SPATA13: variants seen among roughly 807,000 people sequenced by gnomAD.
SPATA13 encodes spermatogenesis-associated protein 13.
SPATA13 carries 50 observed loss-of-function variants against 104.0 expected under a neutral mutation model. The ratio of observed to expected loss-of-function variants is 0.48; its 90% confidence interval spans 0.38 to 0.61. The LOEUF is 0.61. Among genes scored for constraint, SPATA13 ranks in the 20% least tolerant of loss-of-function variants. The pLI is 0.00. For missense variants in SPATA13, 1,524 were observed against 1,690.6 expected (o/e 0.90, Z 1.73); for synonymous variants, 606 against 667.5 (o/e 0.91, Z 1.42).
chr13:24,178,750 CTT>C (rs1161217402), intron 1 of SPATA13, among the ~76,000 whole-genome samples: 1 of 152,094 alleles, frequency 6.6e-6, no homozygotes, highest in Non-Finnish European at 1.5e-5. Context: ...CAACTGGCCT[CTT>C]TGTTTCTTTT....
intron 2 of SPATA13, among the ~76,000 whole-genome samples, chr13:24,236,170 G>A (rs752168959): frequency 9.2e-5 from 14 of 152,262 alleles, no homozygotes; most frequent in Non-Finnish European, 1.6e-4. Flanking sequence ...CCATTTATTA[G>A]CCTCCTCATC....
chr13:24,038,755 T>G (rs1225839515), intron 3 of SPATA13, among the ~76,000 whole-genome samples: 1 of 152,184 alleles, frequency 6.6e-6, no homozygotes, highest in Non-Finnish European at 1.5e-5. Flanking sequence ...CTGGAGTTCT[T>G]GAACCTCTGA....
intron 2 of SPATA13, among the ~76,000 whole-genome samples, chr13:24,013,554 C>T (rs1876573836): frequency 6.6e-6 from 1 of 152,188 alleles, no homozygotes; most frequent in Admixed American, 6.5e-5. Context: ...TAAAAAGGTA[C>T]TTTTTTCCTG....
chr13:24,214,622 C>T (rs1290817163), intron 1 of SPATA13, among the ~76,000 whole-genome samples: 1 of 152,178 alleles, frequency 6.6e-6, no homozygotes, highest in African/African-American at 2.4e-5. Context: ...TGCCCTTCCT[C>T]CCCTTCACCT....
intron 3 of SPATA13, among the ~76,000 whole-genome samples, chr13:24,055,511 C>G (rs1878510766): frequency 6.6e-6 from 1 of 152,096 alleles, no homozygotes; most frequent in South Asian, 2.1e-4. Flanking sequence ...AGAACAGTGC[C>G]CGAAGCACCT....
chr13:23,993,051 C>T (rs749116912), intron 2 of SPATA13, among the ~76,000 whole-genome samples: 10 of 152,216 alleles, frequency 6.6e-5, no homozygotes, highest in Non-Finnish European at 1.5e-4. Context: ...GTCCAGGCTG[C>T]TGTGCTTTCA....
rs147054564 is a variant in SPATA13 at position 24,044,088 on chromosome 13, C to G, written c.-112+26387C>G. On this transcript the variant is annotated intron_variant, in intron 3 of 14. Coordinates refer to the SPATA13 transcript ENST00000424834. ...TCTTCCATGTTGAGAAGCTAAAGCC[C>G]GGAAGGTGGAGGGCTCCTGCCCTGG... 3.2e-4 allele frequency among the ~76,000 whole-genome samples: 48 copies of G among 152,246 alleles called. No individual in the cohort carries two copies. The East Asian group carries it at 9.1e-3, about 29-fold the overall frequency.
At chr13:24,053,313 T>C (rs749584511) in intron 3 of SPATA13, among the ~76,000 whole-genome samples, 1 of 152,202 alleles carries the variant, frequency 6.6e-6, no homozygotes, top group Admixed American at 6.5e-5. Context: ...GGAAAATCAC[T>C]GCATTTGATG....
intron 3 of SPATA13, chr13:24,251,465 T>A: frequency 1.0e-6 from 1 of 985,372 alleles, no homozygotes; most frequent in Non-Finnish European, 1.2e-6. Context: ...GTGTGACCTA[T>A]TGGCATGTTG....
chr13:23,987,409 T>A (rs1454254755), intron 2 of SPATA13, among the ~76,000 whole-genome samples: 2 of 152,212 alleles, frequency 1.3e-5, no homozygotes, highest in Non-Finnish European at 2.9e-5. Flanking sequence ...GGAGTTATAT[T>A]CTTTGGAGAA....
At chr13:24,181,099 T>A (rs939253450) in intron 1 of SPATA13, among the ~76,000 whole-genome samples, 62 of 152,264 alleles carry the variant, frequency 4.1e-4, no homozygotes, top group Non-Finnish European at 5.3e-4. Flanking sequence ...GTTTTTTTTT[T>A]AAATGACTTG....
At position 24,300,489 on chromosome 13, in the gene SPATA13, A is replaced by G; in HGVS notation, c.3658+14A>G. On this transcript the variant is annotated intron_variant, in intron 12 of 12. Coordinates refer to ENST00000382108, the MANE Select transcript of SPATA13 (RefSeq NM_001166271.3). ...GAAAGTCAAAAGGTAAGTTATGGAG[A>G]AGGCTTTGTCCCCTTAATGCTTATC... 1.2e-6 allele frequency: 2 copies of G among 1,612,762 alleles called. No homozygotes were observed. The highest frequency in any genetic ancestry group is 1.7e-6 in the Non-Finnish European group (2 of 1,178,820).
chr13:24,111,468 T>A lies in SPATA13; in HGVS notation c.-112+93767T>A, dbSNP rs571819456. On this transcript the variant is annotated intron_variant, in intron 3 of 14. Coordinates refer to the SPATA13 transcript ENST00000424834. ...TGTCACCGAGGCTGAAGTGCAGTGG[T>A]GCAATCACGGCTCACTGCAGCCTCA... Among the ~76,000 whole-genome samples, 9 of 145,730 alleles carry A rather than the reference T, an allele frequency of 6.2e-5. No individual in the cohort carries two copies. In the South Asian group the frequency reaches 1.1e-3, roughly 17 times the overall value.
At chr13:24,183,447 T>G (rs1384539706) in intron 1 of SPATA13, among the ~76,000 whole-genome samples, 1 of 152,196 alleles carries the variant, frequency 6.6e-6, no homozygotes, top group Non-Finnish European at 1.5e-5. Flanking sequence ...ACGCTTTCTA[T>G]GTTGTAAGTT....
Position 24,116,259 on chromosome 13 carries a change from T to C in SPATA13, c.-112+98558T>C, listed in dbSNP as rs1474209919. Reference sequence around the variant, plus strand: ...ATCTTCTCACTGTGTCCTCACGTGATGGACAGAGCAAATGAGCTCTCAGGC... The same window carrying C: ...ATCTTCTCACTGTGTCCTCACGTGACGGACAGAGCAAATGAGCTCTCAGGC... On this transcript the variant is annotated intron_variant, in intron 3 of 14. Transcript: ENST00000424834. 4.6e-5 allele frequency among the ~76,000 whole-genome samples: 7 copies of C among 152,350 alleles called. No individual in the cohort carries two copies. In the East Asian group the frequency reaches 7.7e-4, roughly 17 times the overall value.
At chr13:24,170,424 G>A (rs2138504039) in intron 1 of SPATA13, among the ~76,000 whole-genome samples, 1 of 152,256 alleles carries the variant, frequency 6.6e-6, no homozygotes, top group African/African-American at 2.4e-5. Context: ...ATTTTTGTGG[G>A]TGGACACTAC....
intron 1 of SPATA13, among the ~76,000 whole-genome samples, chr13:24,195,684 AT>A (rs1456007814): frequency 2.0e-5 from 3 of 152,028 alleles, no homozygotes; most frequent in African/African-American, 7.2e-5. Flanking sequence ...GTTTTCTAGG[AT>A]TTTGTTTCCC....
At chr13:24,098,488 T>A (rs891239187) in intron 3 of SPATA13, among the ~76,000 whole-genome samples, 1 of 151,922 alleles carries the variant, frequency 6.6e-6, no homozygotes, top group Non-Finnish European at 1.5e-5. Flanking sequence ...TCCCAGCTAC[T>A]TGGGAGGCTA....
chr13:24,135,724 T>G (rs914166558), intron 3 of SPATA13, among the ~76,000 whole-genome samples: 9 of 149,760 alleles, frequency 6.0e-5, no homozygotes, highest in African/African-American at 1.5e-4. Flanking sequence ...AAAAAGAGTA[T>G]TTTTAGATAG....
Sources: allele counts gnomAD v4.1 joint callset (sites outside exome capture counted in the v4.1 genomes callset), GRCh38; gene constraint gnomAD v4.1.1; transcripts MANE v1.5; gene names NCBI Gene and HGNC (gene_info 2026-07-23, HGNC 2026-07-21).